The following ADAM9 variants were observed in gnomAD, a reference collection of about 807,000 sequenced individuals.
The protein encoded by ADAM9 is ADAM metallopeptidase domain 9.
A neutral mutation model predicts 108.1 loss-of-function variants in ADAM9; 54 were observed. That is an observed-to-expected ratio of 0.50 (90% CI 0.40 to 0.63). The LOEUF is 0.63. Ranked by LOEUF, ADAM9 falls within the 20% of genes least tolerant of loss-of-function variation. The probability of loss-of-function intolerance (pLI) is 0.00; values close to 1 mark genes in which losing one functional copy is unlikely to be tolerated. For missense variants in ADAM9, 830 were observed against 997.7 expected, an observed-to-expected ratio of 0.83 and a Z score of 2.26; for synonymous variants, 316 against 336.0, an observed-to-expected ratio of 0.94 and a Z score of 0.65.
intron 11 of ADAM9, among the ~76,000 whole-genome samples, chr8:39,028,948 C>G (rs774958311): frequency 3.3e-5 from 5 of 151,832 alleles, no homozygotes; most frequent in Non-Finnish European, 7.4e-5. Flanking sequence ...AAAACCACTC[C>G]CCTAAAGTCA....
intron 14 of ADAM9, among the ~76,000 whole-genome samples, chr8:39,067,775 C>A (rs1308188347): frequency 2.0e-5 from 3 of 152,164 alleles, no homozygotes; most frequent in Non-Finnish European, 4.4e-5. Flanking sequence ...GAACTTCCAA[C>A]AGTATGTTGA....
At chr8:39,084,333 CTT>C (rs78636829) in intron 18 of ADAM9, among the ~76,000 whole-genome samples, 1 of 140,206 alleles carries the variant, frequency 7.1e-6, no homozygotes, top group Non-Finnish European at 1.6e-5. Context: ...ATGAGGTCAT[CTT>C]TTTTTTTTTT....
At chr8:39,016,412 T>G (rs1836528503) in intron 5 of ADAM9, among the ~76,000 whole-genome samples, 1 of 152,216 alleles carries the variant, frequency 6.6e-6, no homozygotes, top group Non-Finnish European at 1.5e-5. Context: ...GAGGAAATTT[T>G]TTTTGAGACC....
intron 12 of ADAM9, among the ~76,000 whole-genome samples, chr8:39,050,181 G>A (rs1004263005): frequency 4.6e-5 from 7 of 151,978 alleles, no homozygotes; most frequent in Admixed American, 1.3e-4. Context: ...CTTTCTTACT[G>A]CTTTCAAAAT....
intron 14 of ADAM9, among the ~76,000 whole-genome samples, chr8:39,066,419 T>C (rs1231988096): frequency 1.3e-5 from 2 of 152,234 alleles, no homozygotes; most frequent in Non-Finnish European, 2.9e-5. Flanking sequence ...ACCTGTTGTT[T>C]CCTGACTTTT....
chr8:39,071,191 T>G (rs1221093536), intron 14 of ADAM9, 107 bp from the exon 15 acceptor site: 18 of 977,232 alleles, frequency 1.8e-5, no homozygotes, highest in Non-Finnish European at 2.7e-5. Context: ...TTGAGGGGTA[T>G]TGAGGCTGTT....
intron 14 of ADAM9, among the ~76,000 whole-genome samples, chr8:39,068,958 G>A (rs539676495): frequency 3.3e-5 from 5 of 152,238 alleles, no homozygotes; most frequent in Admixed American, 2.0e-4. Flanking sequence ...AAGATGGTAG[G>A]TGACTTGTGG....
intron 12 of ADAM9, among the ~76,000 whole-genome samples, chr8:39,047,850 A>C (rs2129437562): frequency 6.9e-6 from 1 of 145,258 alleles, no homozygotes; most frequent in African/African-American, 2.5e-5. Context: ...TGCTTTTCAG[A>C]TTTCTTGGGT....
intron 12 of ADAM9, among the ~76,000 whole-genome samples, chr8:39,045,271 CAT>C (rs1315712862): frequency 2.3e-5 from 3 of 128,300 alleles, no homozygotes; most frequent in African/African-American, 9.3e-5. Context: ...TATGTGTATA[CAT>C]ACATATGTAT....
chr8:39,029,310 G>C (rs1837027761), intron 11 of ADAM9, among the ~76,000 whole-genome samples: 1 of 151,838 alleles, frequency 6.6e-6, no homozygotes, highest in Admixed American at 6.6e-5. Context: ...GATAACATGA[G>C]GTAGAGGGAC....
Position 39,105,010 on chromosome 8 carries a change from C to G in ADAM9, c.*1310C>G, listed in dbSNP as rs528849864. 33 of 426,428 alleles carry G rather than the reference C, an allele frequency of 7.7e-5. No individual in the cohort carries two copies. The Middle Eastern group carries it at 2.3e-3, about 30-fold the overall frequency. 26.4% of individuals were successfully genotyped at this position (426,428 alleles called of 1,614,324 possible). On this transcript the variant is annotated 3_prime_UTR_variant, in exon 22 of 22. Coordinates refer to ENST00000487273, the MANE Select transcript of ADAM9 (RefSeq NM_003816.3). The stretch of plus-strand genomic sequence containing the variant: ...AAATACTTGAAATTCTCTTTTGTGT[C>G]TCCTAGTAGCTTCCTACTCAACTAT...
At chr8:39,102,943 G>T (rs756590793) in intron 21 of ADAM9, among the ~76,000 whole-genome samples, 3 of 152,180 alleles carry the variant, frequency 2.0e-5, no homozygotes, top group African/African-American at 7.2e-5. Context: ...TTACAATTGC[G>T]TTGCAACTCT....
intron 16 of ADAM9, among the ~76,000 whole-genome samples, chr8:39,081,645 T>C (rs1437837417): frequency 6.6e-6 from 1 of 152,190 alleles, no homozygotes; most frequent in Non-Finnish European, 1.5e-5. Flanking sequence ...TAATGGAAAA[T>C]TGGAGGAAAC....
intron 20 of ADAM9, 136 bp downstream of exon 20, chr8:39,091,482 C>T: frequency 2.4e-6 from 2 of 846,100 alleles, no homozygotes; most frequent in Non-Finnish European, 1.8e-6. Flanking sequence ...GTAGGTGGTC[C>T]CTGAGTTTTT....
intron 20 of ADAM9, among the ~76,000 whole-genome samples, chr8:39,093,624 A>G (rs1273081949): frequency 6.6e-6 from 1 of 152,118 alleles, no homozygotes; most frequent in Non-Finnish European, 1.5e-5. Flanking sequence ...CTAGTACTAT[A>G]TTGAGTAGAA....
chr8:39,087,388 A>G (rs1839210576), intron 18 of ADAM9, among the ~76,000 whole-genome samples: 1 of 152,192 alleles, frequency 6.6e-6, no homozygotes, highest in South Asian at 2.1e-4. Context: ...CCTTGGCTAT[A>G]ACTGGAAGTC....
At chr8:39,024,681 A>G (rs1836863148) in intron 9 of ADAM9, among the ~76,000 whole-genome samples, 1 of 152,224 alleles carries the variant, frequency 6.6e-6, no homozygotes, top group Non-Finnish European at 1.5e-5. Flanking sequence ...TGTATACCCC[A>G]GACACTGGGA....
chr8:39,084,852 G>A (rs558476032), intron 18 of ADAM9, among the ~76,000 whole-genome samples: 1 of 151,968 alleles, frequency 6.6e-6, no homozygotes, highest in African/African-American at 2.4e-5. Flanking sequence ...ATCAATTTTT[G>A]CTTTATTTAT....
chr8:39,051,883 A>G (rs1038408631), intron 12 of ADAM9, among the ~76,000 whole-genome samples: 3 of 152,120 alleles, frequency 2.0e-5, no homozygotes, highest in Admixed American at 6.6e-5. Flanking sequence ...TCTATTGTAA[A>G]CAGTGCTGCC....
Sources: gnomAD v4.1 joint callset for allele counts (sites outside exome capture counted in the v4.1 genomes callset) on GRCh38, gnomAD v4.1.1 for gene constraint, MANE v1.5 for transcripts, NCBI Gene and HGNC (gene_info 2026-07-23, HGNC 2026-07-21) for gene names.